SLC22A2: variants seen among roughly 807,000 people sequenced by gnomAD.
SLC22A2 encodes organic cation transporter 2.
A neutral mutation model predicts 60.5 loss-of-function variants in SLC22A2; 46 were observed. That is an observed-to-expected ratio of 0.76 (90% CI 0.60 to 0.97). The LOEUF (loss-of-function observed/expected upper bound fraction) is 0.97. SLC22A2 is among the 50% of genes least tolerant of loss of function. The probability of loss-of-function intolerance (pLI) is 0.00; values close to 1 mark genes in which losing one functional copy is unlikely to be tolerated. For missense variants in SLC22A2, 701 were observed against 706.6 expected, an observed-to-expected ratio of 0.99 and a Z score of 0.09; for synonymous variants, 303 against 267.0, an observed-to-expected ratio of 1.13 and a Z score of -1.31.
chr6:160,257,010 C>T (rs1783285928), intron 1 of SLC22A2, among the ~76,000 whole-genome samples: 1 of 151,828 alleles, frequency 6.6e-6, no homozygotes, highest in African/African-American at 2.4e-5. Context: ...ATGTGATCCT[C>T]ACACCTCAGC....
intron 9 of SLC22A2, among the ~76,000 whole-genome samples, chr6:160,227,138 T>C (rs1450321300): frequency 1.3e-5 from 2 of 152,252 alleles, no homozygotes; most frequent in East Asian, 1.9e-4. Flanking sequence ...TTAACATAAC[T>C]AGATCTTTCC....
chr6:160,224,292 T>TTA (rs1479743893), intron 10 of SLC22A2, among the ~76,000 whole-genome samples: 2 of 16,026 alleles, frequency 1.2e-4, no homozygotes, highest in Non-Finnish European at 2.9e-4. Context: ...AAATCTGTTA[T>TTA]TTTTTTTTTT....
intron 9 of SLC22A2, among the ~76,000 whole-genome samples, chr6:160,233,863 C>T (rs113235720): frequency 0.016 from 2,446 of 151,836 alleles, 115 homozygotes; most frequent in African/African-American, 0.056. Flanking sequence ...ATTTTCACCA[C>T]CCCAAAACTT....
intron 6 of SLC22A2, chr6:160,244,149 A>G (rs151289901): frequency 4.6e-4 from 90 of 194,548 alleles, no homozygotes; most frequent in African/African-American, 2.0e-3. Context: ...CAGTGGTGCA[A>G]TCTTGGCTCA....
chr6:160,224,931 G>A, intron 9 of SLC22A2, 127 bp from the exon 10 acceptor site: 1 of 480,714 alleles, frequency 2.1e-6, no homozygotes, highest in Non-Finnish European at 3.6e-6. Flanking sequence ...AGATTCCTTT[G>A]CCATCTCTGA....
intron 9 of SLC22A2, among the ~76,000 whole-genome samples, chr6:160,239,165 A>C (rs1583395870): frequency 6.6e-6 from 1 of 151,886 alleles, no homozygotes; most frequent in East Asian, 1.9e-4. Context: ...GTTAAAAGAC[A>C]CTCCCACCAG....
intron 3 of SLC22A2, 117 bp downstream of exon 3, chr6:160,250,431 A>T (rs1783163150): frequency 7.6e-6 from 7 of 922,016 alleles, no homozygotes; most frequent in Admixed American, 3.7e-5. Flanking sequence ...GAAATAAAAA[A>T]ATCTCTCAAT....
chr6:160,228,428 G>A (rs1410760044), intron 9 of SLC22A2, among the ~76,000 whole-genome samples: 2 of 152,280 alleles, frequency 1.3e-5, no homozygotes, highest in Middle Eastern at 3.4e-3. Flanking sequence ...AAAGACACTT[G>A]ACTGAACTTG....
At chr6:160,246,881 G>A (rs1371788051) in intron 5 of SLC22A2, among the ~76,000 whole-genome samples, 3 of 152,212 alleles carry the variant, frequency 2.0e-5, no homozygotes, top group Non-Finnish European at 4.4e-5. Flanking sequence ...TGGGGGTGCT[G>A]GGCACCTGGG....
chr6:160,228,558 T>C (rs1264259726), intron 9 of SLC22A2, among the ~76,000 whole-genome samples: 1 of 152,168 alleles, frequency 6.6e-6, no homozygotes, highest in African/African-American at 2.4e-5. Context: ...TGTTAACTGC[T>C]ATTTTCTTTG....
chr6:160,238,905 T>A (rs1782954410), intron 9 of SLC22A2, among the ~76,000 whole-genome samples: 1 of 152,056 alleles, frequency 6.6e-6, no homozygotes, highest in Non-Finnish European at 1.5e-5. Flanking sequence ...TGAACCAGAG[T>A]GACTCTGTCT....
chr6:160,243,551 C>T, intron 7 of SLC22A2, 21 bp downstream of exon 7: 1 of 1,575,128 alleles, frequency 6.3e-7, no homozygotes, highest in South Asian at 1.1e-5. Context: ...AGATAAGACT[C>T]CAACTTCACC....
chr6:160,247,052 G>A (rs1783106194), intron 5 of SLC22A2, 132 bp downstream of exon 5: 3 of 598,922 alleles, frequency 5.0e-6, no homozygotes, highest in South Asian at 4.0e-5. Flanking sequence ...GTTGCATTCC[G>A]CTACAGGTAA....
At chr6:160,243,527 C>T (rs1783044162) in intron 7 of SLC22A2, 45 bp downstream of exon 7, 1 of 1,373,104 alleles carries the variant, frequency 7.3e-7, no homozygotes, top group Non-Finnish European at 1.0e-6. Flanking sequence ...CACTCCCTTT[C>T]TCCAGGGTCT....
In SLC22A2 at chr6:160,243,608, C is replaced by G; in HGVS notation, c.1243G>C (p.Gly415Arg). 6.2e-7 allele frequency: 1 copy of G among 1,614,052 alleles called. No homozygotes were observed. Among genetic ancestry groups the G allele is most frequent in the Non-Finnish European group, 8.5e-7 (1 of 1,179,934 alleles). ...AAAACTGAGGCCAGACAGGCTGCCC[C>G]TGCAACCATATTTGATGCAGCCCAA... ...YPWAASNMVA[G>R]AACLASVFIP... Residue 415 changes from glycine to arginine, a missense_variant, in exon 7 of 11, where the codon GGG becomes CGG. By Grantham distance (125) the Gly-to-Arg change is moderately radical (BLOSUM62 -2). Coordinates refer to ENST00000366953, the MANE Select transcript of SLC22A2 (RefSeq NM_003058.4).
intron 9 of SLC22A2, among the ~76,000 whole-genome samples, chr6:160,231,339 C>A (rs995350527): frequency 2.0e-5 from 3 of 151,750 alleles, no homozygotes; most frequent in African/African-American, 7.3e-5. Context: ...TTCTTCCCAA[C>A]CCAAAGCCTC....
rs930435937 is a variant in SLC22A2, at chr6:160,255,796, T to C, written c.518+818A>G. ...CAAGTTATCTAAAGTGCCTATCAAC[T>C]ATGAAGCAAATTTTTGGTTCCTTTT... On this transcript the variant is annotated intron_variant, in intron 2 of 10. Coordinates refer to ENST00000366953, the MANE Select transcript of SLC22A2 (RefSeq NM_003058.4). Among the ~76,000 whole-genome samples the C allele has an allele frequency of 2.2e-4, 34 of 152,310 alleles. 1 individual carries two copies. Among genetic ancestry groups the C allele is most frequent in the Non-Finnish European group, 5.9e-5 (4 of 68,020 alleles).
chr6:160,241,028 C>T (rs948989363), intron 9 of SLC22A2, among the ~76,000 whole-genome samples: 2 of 138,706 alleles, frequency 1.4e-5, no homozygotes, highest in African/African-American at 5.4e-5. Flanking sequence ...AAAATTTTAA[C>T]CCCCTTCTTT....
chr6:160,242,475 A>AT, intron 7 of SLC22A2, 73 bp from the exon 8 acceptor site: 1 of 875,590 alleles, frequency 1.1e-6, no homozygotes, highest in Non-Finnish European at 2.0e-6. Context: ...CCAGAGTGGG[A>AT]CTGTAAGGAC....
Sources: allele counts gnomAD v4.1 joint callset (sites outside exome capture counted in the v4.1 genomes callset), GRCh38; gene constraint gnomAD v4.1.1; transcripts MANE v1.5; gene names NCBI Gene and HGNC (gene_info 2026-07-23, HGNC 2026-07-21).